TGIF1: variants seen among roughly 807,000 people sequenced by gnomAD.
TGIF1 encodes TGFB induced factor homeobox 1.
A neutral mutation model predicts 19.3 loss-of-function variants in TGIF1; 4 were observed. That is an observed-to-expected ratio of 0.21 (90% CI 0.10 to 0.47). The LOEUF is 0.47. Among genes scored for constraint, TGIF1 ranks in the 20% least tolerant of loss-of-function variants. TGIF1 has a pLI of 0.98. For missense variants in TGIF1, 275 were observed against 341.4 expected, an observed-to-expected ratio of 0.81 and a Z score of 1.53; for synonymous variants, 122 against 129.3, an observed-to-expected ratio of 0.94 and a Z score of 0.38.
chr18:3,430,600 G>C (rs1206738454), intron 2 of TGIF1, among the ~76,000 whole-genome samples: 2 of 151,914 alleles, frequency 1.3e-5, no homozygotes, highest in East Asian at 3.9e-4. Context: ...CCTGACACAG[G>C]CTCAAGCAAT....
At chr18:3,426,839 A>T (rs1311781565) in intron 2 of TGIF1, among the ~76,000 whole-genome samples, 1 of 152,134 alleles carries the variant, frequency 6.6e-6, no homozygotes, top group East Asian at 1.9e-4. Context: ...AATGCCAAAC[A>T]TGAGAAAGTA....
upstream of TGIF1, chr18:3,448,552 T>C: frequency 1.0e-6 from 1 of 986,272 alleles, no homozygotes; most frequent in Non-Finnish European, 1.2e-6. Flanking sequence ...GTGTGTTCTC[T>C]TCTGTCCCGA....
upstream of TGIF1, among the ~76,000 whole-genome samples, chr18:3,445,294 A>G (rs79320989): frequency 0.027 from 4,155 of 152,290 alleles, 167 homozygotes; most frequent in African/African-American, 0.091. Context: ...ACAAGTAACA[A>G]TGGAAAACCC....
chr18:3,452,345 T>G, intron 1 of TGIF1: 2 of 1,613,204 alleles, frequency 1.2e-6, no homozygotes, highest in Non-Finnish European at 1.7e-6. Context: ...GCGCACAGGG[T>G]CCAGCTCCTC....
At chr18:3,423,950 A>T (rs1205220364) in intron 2 of TGIF1, among the ~76,000 whole-genome samples, 1 of 152,184 alleles carries the variant, frequency 6.6e-6, no homozygotes, top group Non-Finnish European at 1.5e-5. Flanking sequence ...TAAAGCAGCT[A>T]TCTTAAACTA....
chr18:3,416,964 A>G (rs563395085), intron 1 of TGIF1, among the ~76,000 whole-genome samples: 1 of 152,280 alleles, frequency 6.6e-6, no homozygotes, highest in Admixed American at 6.5e-5. Flanking sequence ...AAGATTTATA[A>G]TAAAATCAAA....
upstream of TGIF1, among the ~76,000 whole-genome samples, chr18:3,445,459 T>C (rs541773046): frequency 3.7e-4 from 56 of 152,120 alleles, 2 homozygotes; most frequent in East Asian, 7.2e-3. Context: ...GCGTAGTGGC[T>C]CACGCCTGTA....
intron 2 of TGIF1, among the ~76,000 whole-genome samples, chr18:3,428,606 A>C (rs1306471311): frequency 2.0e-5 from 3 of 151,748 alleles, no homozygotes; most frequent in Admixed American, 2.0e-4. Flanking sequence ...GCATGGTGGC[A>C]CGCGCCTGTA....
chr18:3,449,838 G>T, upstream of TGIF1: 1 of 985,494 alleles, frequency 1.0e-6, no homozygotes, highest in Non-Finnish European at 1.2e-6. Flanking sequence ...TCCATCTGTT[G>T]CAGTTTCCGA....
In TGIF1 at chr18:3,452,071, C is replaced by T. The variant is rs199861107; in HGVS notation, c.16+1566C>T. The T allele has an allele frequency of 1.2e-4, 194 of 1,613,970 alleles. 1 individual carries two copies. In the Middle Eastern group the frequency reaches 2.1e-3, roughly 18 times the overall value. ...GGCGGCTCTGATTCCTTTCCATGGC[C>T]CGCCTCCCACCCCGGGAATCCCCAG... On this transcript the variant is annotated intron_variant, in intron 1 of 2. Transcript: ENST00000343820.
rs557364076 is a variant in TGIF1 at position 3,427,104 on chromosome 18, C to T, written c.-45+8889C>T. Among the ~76,000 whole-genome samples the T allele has an allele frequency of 3.0e-4, 46 of 151,574 alleles. No homozygotes were observed. The South Asian group carries it at 8.1e-3, about 27-fold the overall frequency. On this transcript the variant is annotated intron_variant, in intron 2 of 3. Transcript: ENST00000401449. ...GATTACAGGCTTGCGCCACCATGCC[C>T]GGCTAATTTTTGTATTTTTAGTACA... is the stretch of plus-strand genomic sequence containing the variant.
chr18:3,425,903 A>C (rs2143161937), intron 2 of TGIF1, among the ~76,000 whole-genome samples: 2 of 152,138 alleles, frequency 1.3e-5, no homozygotes, highest in Admixed American at 1.3e-4. Context: ...TGTGCTGGAG[A>C]ATCTCTTGCG....
intron 1 of TGIF1, among the ~76,000 whole-genome samples, chr18:3,453,358 C>CT (rs1172953670): frequency 6.6e-6 from 1 of 152,120 alleles, no homozygotes; most frequent in Non-Finnish European, 1.5e-5. Flanking sequence ...GTCTCCCTGC[C>CT]TCCCTGTCTC....
At chr18:3,453,257 A>T (rs1392330269) in intron 1 of TGIF1, among the ~76,000 whole-genome samples, 3 of 152,168 alleles carry the variant, frequency 2.0e-5, no homozygotes, top group Non-Finnish European at 4.4e-5. Flanking sequence ...ACTTCTGGTC[A>T]GGAAACTTGT....
intron 1 of TGIF1, chr18:3,412,716 G>A (rs2082286470): frequency 6.6e-6 from 1 of 152,230 alleles, no homozygotes; most frequent in African/African-American, 2.4e-5. Context: ...ACTGCATTCC[G>A]GCCTTTGCCG....
chr18:3,448,439 T>C (rs544779119), upstream of TGIF1: 17 of 993,842 alleles, frequency 1.7e-5, no homozygotes, highest in South Asian at 6.6e-4. Context: ...CTGATTCATC[T>C]GCAGCCAGGT....
intron 2 of TGIF1, among the ~76,000 whole-genome samples, chr18:3,420,765 C>T (rs2082389349): frequency 6.6e-6 from 1 of 152,154 alleles, no homozygotes; most frequent in Admixed American, 6.5e-5. Flanking sequence ...CATGTCAGGC[C>T]CTTAGCCCTT....
chr18:3,422,707 T>TGAGACAGAGTCTGGCTCTG (rs2082420515), intron 2 of TGIF1, among the ~76,000 whole-genome samples: 1 of 146,760 alleles, frequency 6.8e-6, no homozygotes, highest in Admixed American at 6.8e-5. Flanking sequence ...TTTTTTTTTT[T>TGAGACAGAGTCTGGCTCTG]TGAGACAGAG....
intron 1 of TGIF1, among the ~76,000 whole-genome samples, chr18:3,414,140 G>A (rs556521081): frequency 9.2e-5 from 14 of 152,218 alleles, no homozygotes; most frequent in South Asian, 6.2e-4. Context: ...CTCTTCCCAA[G>A]GCTGTGTGTC....
Sources: gnomAD v4.1 joint callset for allele counts (sites outside exome capture counted in the v4.1 genomes callset) on GRCh38, gnomAD v4.1.1 for gene constraint, MANE v1.5 for transcripts, NCBI Gene and HGNC (gene_info 2026-07-23, HGNC 2026-07-21) for gene names.